The following ETNPPL variants were observed in gnomAD, a reference collection of about 807,000 sequenced individuals.
ETNPPL encodes the protein alanine--glyoxylate aminotransferase 2-like 1.
Under a neutral mutation model 55.5 loss-of-function variants are expected in ETNPPL, and 30 were observed. The ratio of observed to expected loss-of-function variants is 0.54; its 90% CI spans 0.40 to 0.73. The LOEUF (loss-of-function observed/expected upper bound fraction) is 0.73, where lower values mean the gene tolerates loss of function less well. Among genes scored for constraint, ETNPPL ranks in the 30% least tolerant of loss-of-function variants. The probability of loss-of-function intolerance (pLI) is 0.00; values close to 1 mark genes in which losing one functional copy is unlikely to be tolerated. For missense variants in ETNPPL, 528 were observed against 607.9 expected (o/e 0.87, Z 1.38); for synonymous variants, 202 against 207.2 (o/e 0.98, Z 0.21).
chr4:108,753,240 C>T (rs1314721668), intron 5 of ETNPPL, among the ~76,000 whole-genome samples: 1 of 152,138 alleles, frequency 6.6e-6, no homozygotes, highest in African/African-American at 2.4e-5. Flanking sequence ...TACATCAAGA[C>T]TATATCCCTC....
rs866583352 is a variant in ETNPPL, at chr4:108,748,426, G to T, written c.928-267C>A. Among the ~76,000 whole-genome samples, 7 of 152,112 alleles carry T rather than the reference G, an allele frequency of 4.6e-5. 1 individual carries two copies. In the South Asian group the frequency reaches 1.0e-3, roughly 22 times the overall value. ...ATTTTATTTGCTCATCCAAACAAAAGCAGACATTATGTTGGGAGTTCAGGA... is the reference window on the plus strand; with the variant it reads ...ATTTTATTTGCTCATCCAAACAAAATCAGACATTATGTTGGGAGTTCAGGA... On this transcript the variant is annotated intron_variant, in intron 8 of 12. Coordinates refer to ENST00000296486, the MANE Select transcript of ETNPPL (RefSeq NM_031279.4).
At chr4:108,743,111 T>G (rs1728297930) in intron 12 of ETNPPL, among the ~76,000 whole-genome samples, 1 of 152,188 alleles carries the variant, frequency 6.6e-6, no homozygotes, top group South Asian at 2.1e-4. Context: ...CTGACTCCAT[T>G]GGATGCGCAG....
intron 5 of ETNPPL, among the ~76,000 whole-genome samples, chr4:108,753,449 T>C (rs1729007303): frequency 6.6e-6 from 1 of 152,134 alleles, no homozygotes; most frequent in African/African-American, 2.4e-5. Flanking sequence ...TTGATGATTC[T>C]CAAGAAATTT....
At chr4:108,747,163 A>T (rs866295455) in intron 9 of ETNPPL, among the ~76,000 whole-genome samples, 1 of 15,592 alleles carries the variant, frequency 6.4e-5, no homozygotes, top group Non-Finnish European at 9.6e-5. Flanking sequence ...ATATATATAT[A>T]TTATATATAT....
chr4:108,761,036 T>C (rs1729485916), intron 1 of ETNPPL, among the ~76,000 whole-genome samples: 1 of 152,202 alleles, frequency 6.6e-6, no homozygotes, highest in African/African-American at 2.4e-5. Flanking sequence ...GGATTTTCCA[T>C]TATTAAATAG....
In ETNPPL at chr4:108,752,852, T is replaced by C. The variant is rs1429990819; in HGVS notation, c.618+43A>G. On this transcript the variant is annotated intron_variant, in intron 6 of 12. Coordinates refer to ENST00000296486, the MANE Select transcript of ETNPPL (RefSeq NM_031279.4). The stretch of plus-strand genomic sequence containing the variant: ...TGAATCCCAACAGTTTTAATCCCTT[T>C]TATAAAAGATGTTGAGATGTTTCCA... 3 of 1,117,624 alleles carry C rather than the reference T, an allele frequency of 2.7e-6. No homozygotes were observed. The African/African-American group carries it at 4.7e-5, about 17-fold the overall frequency. 69.2% of individuals were successfully genotyped at this position (1,117,624 alleles called of 1,614,324 possible).
At chr4:108,762,768 C>T in intron 1 of ETNPPL, 75 bp downstream of exon 1, 1 of 1,524,136 alleles carries the variant, frequency 6.6e-7, no homozygotes, top group Non-Finnish European at 9.1e-7. Context: ...GTTCCCTAGC[C>T]GGCTTTCTCT....
rs1197263493 is a variant in ETNPPL, at chr4:108,752,923, A to G, written c.590T>C (p.Ile197Thr). The change falls in exon 6 of 13, where the codon ATT (isoleucine) becomes ACT (threonine). Residue 197 changes from isoleucine to threonine, a missense_variant. Transcript: ENST00000296486. The stretch of plus-strand genomic sequence containing the variant: ...CCTTCCACTGTTATGAGCATCTTCA[A>G]TGATTTTCTTCACTTCATCTGCATA... ...SAYADEVKKI[I>T]EDAHNSGRKI... 3.1e-6 allele frequency: 5 copies of G among 1,608,502 alleles called. No homozygotes were observed. The highest frequency in any genetic ancestry group is 4.3e-6 in the Non-Finnish European group (5 of 1,175,538).
intron 11 of ETNPPL, among the ~76,000 whole-genome samples, chr4:108,744,450 T>C (rs915208706): frequency 1.3e-5 from 2 of 151,876 alleles, no homozygotes; most frequent in African/African-American, 4.8e-5. Flanking sequence ...GAGTGACAGA[T>C]TGCCCCAAGC....
rs1258157120 is a variant in ETNPPL at position 108,747,400 on chromosome 4, T to A, written c.1083-549A>T. Reference sequence around the variant, plus strand: ...TTTTGGGTGCTGACATTATCCTAACTTTATTAAAAAAGTATAAAAGCCAGG... The same window carrying A: ...TTTTGGGTGCTGACATTATCCTAACATTATTAAAAAAGTATAAAAGCCAGG... On this transcript the variant is annotated intron_variant, in intron 9 of 12. Coordinates refer to ENST00000296486, the MANE Select transcript of ETNPPL (RefSeq NM_031279.4). Among the ~76,000 whole-genome samples, 6 of 150,668 alleles carry A rather than the reference T, an allele frequency of 4.0e-5. No individual in the cohort carries two copies. In the East Asian group the frequency reaches 7.8e-4, roughly 20 times the overall value.
intron 3 of ETNPPL, among the ~76,000 whole-genome samples, chr4:108,757,667 G>A (rs938518966): frequency 2.6e-5 from 4 of 152,120 alleles, no homozygotes; most frequent in South Asian, 2.1e-4. Context: ...GGCTGGGTGC[G>A]GTGACTCATG....
chr4:108,759,638 T>C, intron 3 of ETNPPL, 111 bp downstream of exon 3: 1 of 1,133,090 alleles, frequency 8.8e-7, no homozygotes, highest in South Asian at 1.5e-5. Context: ...GGCAAGAAAC[T>C]CAGCAAACCC....
chr4:108,742,718 A>G, intron 12 of ETNPPL, 106 bp from the exon 13 acceptor site: 3 of 1,250,876 alleles, frequency 2.4e-6, no homozygotes, highest in African/African-American at 1.5e-5. Flanking sequence ...AGAAAAACCA[A>G]ACAAAACAAC....
rs370575100 is a variant in ETNPPL at position 108,744,867 on chromosome 4, G to A, written c.1304-1011C>T. 2.6e-4 allele frequency among the ~76,000 whole-genome samples: 40 copies of A among 151,886 alleles called. 1 individual carries two copies. The East Asian group carries it at 6.8e-3, about 26-fold the overall frequency. On this transcript the variant is annotated intron_variant, in intron 11 of 12. Transcript: ENST00000296486. ...CAAGTAGTTGGAACTACAGGCGCAC[G>A]CACCACCATGTCCGGCTAATTTTTG...
intron 7 of ETNPPL, 73 bp from the exon 8 acceptor site, chr4:108,749,536 T>A: frequency 8.4e-7 from 1 of 1,190,394 alleles, no homozygotes; most frequent in Admixed American, 2.3e-5. Context: ...AGATGCAAAT[T>A]ATTGAAGACA....
chr4:108,759,740 GA>G lies in ETNPPL; in HGVS notation c.335+8del. 2 of 1,613,702 alleles carry G rather than the reference GA, an allele frequency of 1.2e-6. No individual in the cohort carries two copies. Among genetic ancestry groups the G allele is most frequent in the Non-Finnish European group, 1.7e-6 (2 of 1,179,758 alleles). ...GGAATGGGGAGGGGTGGGAAACCAT[GA>G]AGCATACCCTGAATTTGTAAAATAA... On this transcript the variant is annotated splice_region_variant and intron_variant, in intron 3 of 12. Transcript: ENST00000296486.
At chr4:108,748,599 C>T (rs547966936) in intron 8 of ETNPPL, among the ~76,000 whole-genome samples, 22 of 152,186 alleles carry the variant, frequency 1.4e-4, no homozygotes, top group African/African-American at 5.1e-4. Flanking sequence ...ATTATATATA[C>T]TGAACAAACT....
intron 11 of ETNPPL, among the ~76,000 whole-genome samples, chr4:108,744,577 C>T (rs1331571385): frequency 6.6e-6 from 1 of 151,992 alleles, no homozygotes; most frequent in Admixed American, 6.6e-5. Flanking sequence ...AGACAGTGAC[C>T]CTATTATTAA....
chr4:108,758,605 CA>C (rs1361629051), intron 3 of ETNPPL, among the ~76,000 whole-genome samples: 2 of 152,018 alleles, frequency 1.3e-5, no homozygotes, highest in South Asian at 2.1e-4. Context: ...CAAAACAAAA[CA>C]AAAAACTAAG....
Sources: allele counts gnomAD v4.1 joint callset (sites outside exome capture counted in the v4.1 genomes callset), GRCh38; gene constraint gnomAD v4.1.1; transcripts MANE v1.5; gene names NCBI Gene and HGNC (gene_info 2026-07-23, HGNC 2026-07-21).